The following ARHGEF10 variants were observed in gnomAD, a reference collection of about 807,000 sequenced individuals.
ARHGEF10 encodes Rho guanine nucleotide exchange factor 10, also known as Rho guanine nucleotide exchange factor (GEF) 10.
ARHGEF10 carries 140 observed loss-of-function variants against 147.4 expected under a neutral mutation model. The ratio of observed to expected loss-of-function variants is 0.95; its 90% CI spans 0.83 to 1.09. The LOEUF (loss-of-function observed/expected upper bound fraction) is 1.09. Ranked by LOEUF, ARHGEF10 falls within the 50% of genes least tolerant of loss-of-function variation. ARHGEF10 has a pLI of 0.00. For synonymous variants in ARHGEF10, 902 were observed against 695.8 expected, an observed-to-expected ratio of 1.30 and a Z score of -4.67; for missense variants, 2,222 against 1,752.7, an observed-to-expected ratio of 1.27 and a Z score of -4.78.
In ARHGEF10 at chr8:1,885,640, T is replaced by C. The variant is rs1808593384; in HGVS notation, c.1115T>C (p.Ile372Thr). The C allele has an allele frequency of 6.2e-7, 1 of 1,613,926 alleles. No individual in the cohort carries two copies. Among genetic ancestry groups the C allele is most frequent in the Non-Finnish European group, 8.5e-7 (1 of 1,180,012 alleles). ...CTTGAGGAAGAACAGAATTTGTTCA[T>C]TGATGTTGACTGCAAGCACCCGGAA... Reference protein sequence around the residue: ...SSLEEEQNLFIDVDCKHPEAI... With the variant: ...SSLEEEQNLFTDVDCKHPEAI... Residue 372 changes from isoleucine to threonine, a missense_variant, in exon 11 of 29, where the codon ATT becomes ACT. Coordinates refer to ENST00000349830, the MANE Select transcript of ARHGEF10 (RefSeq NM_014629.4).
At chr8:1,843,595 C>T (rs1310060624) in intron 2 of ARHGEF10, among the ~76,000 whole-genome samples, 159 bp downstream of exon 2, 1 of 152,170 alleles carries the variant, frequency 6.6e-6, no homozygotes. Flanking sequence ...AGCCTGGGTG[C>T]CCCCATCCTT....
At chr8:1,947,547 C>T (rs945869103) in intron 27 of ARHGEF10, among the ~76,000 whole-genome samples, 1 of 152,138 alleles carries the variant, frequency 6.6e-6, no homozygotes, top group Non-Finnish European at 1.5e-5. Flanking sequence ...TAAAACCCAA[C>T]AGCACTCACG....
rs1000745046 is a variant in ARHGEF10 at position 1,936,047 on chromosome 8, A to G, written c.3222+2105A>G. Among the ~76,000 whole-genome samples, 12 of 152,144 alleles carry G rather than the reference A, an allele frequency of 7.9e-5. 1 individual carries two copies. Among genetic ancestry groups the G allele is most frequent in the African/African-American group, 2.7e-4 (11 of 41,422 alleles). ...TGAAATGATGAGGAAAAGGCTACATACTTCCCCTCACACCTGCATTTTTCA... is the reference window on the plus strand; with the variant it reads ...TGAAATGATGAGGAAAAGGCTACATGCTTCCCCTCACACCTGCATTTTTCA... On this transcript the variant is annotated intron_variant, in intron 26 of 28. Coordinates refer to ENST00000349830, the MANE Select transcript of ARHGEF10 (RefSeq NM_014629.4).
At chr8:1,870,591 C>T (rs1446663299) in intron 7 of ARHGEF10, 1 of 151,974 alleles carries the variant, frequency 6.6e-6, no homozygotes, top group South Asian at 2.1e-4. Context: ...AAATTCTAAC[C>T]AAAGTATTGT....
intron 11 of ARHGEF10, among the ~76,000 whole-genome samples, chr8:1,889,458 AGGGGTCTGTG>A (rs1809200732): frequency 3.4e-5 from 1 of 29,166 alleles, no homozygotes; most frequent in African/African-American, 2.0e-4. Context: ...GAGTGGGGTG[AGGGGTCTGTG>A]AGGAGACACT....
chr8:1,837,479 G>A (rs1407963816), intron 1 of ARHGEF10, among the ~76,000 whole-genome samples: 2 of 152,130 alleles, frequency 1.3e-5, no homozygotes, highest in African/African-American at 4.8e-5. Flanking sequence ...ATGCATTTTT[G>A]TAGAGAAACA....
intron 13 of ARHGEF10, among the ~76,000 whole-genome samples, chr8:1,895,855 G>A (rs965609812): frequency 6.6e-6 from 1 of 152,124 alleles, no homozygotes; most frequent in African/African-American, 2.4e-5. Flanking sequence ...AAACGAACAC[G>A]TGTAGGGCAT....
intron 11 of ARHGEF10, among the ~76,000 whole-genome samples, chr8:1,887,886 G>T (rs1281740135): frequency 6.7e-6 from 1 of 149,996 alleles, no homozygotes; most frequent in Admixed American, 6.6e-5. Context: ...ACCAAGTGCC[G>T]TGAGAGTTGC....
intron 1 of ARHGEF10, chr8:1,826,038 C>G: frequency 2.2e-6 from 3 of 1,388,832 alleles, no homozygotes; most frequent in Non-Finnish European, 2.0e-6. Context: ...CCCTGTCTGT[C>G]TCTCACAGCA....
chr8:1,920,036 G>GTGATGGGGCTGTTC (rs1563286396), intron 18 of ARHGEF10, among the ~76,000 whole-genome samples: 9 of 148,136 alleles, frequency 6.1e-5, no homozygotes, highest in Non-Finnish European at 1.2e-4. Flanking sequence ...TGTTCTATGG[G>GTGATGGGGCTGTTC]TGATGGAGCT....
intron 27 of ARHGEF10, among the ~76,000 whole-genome samples, chr8:1,947,167 A>G (rs1262472806): frequency 6.6e-6 from 1 of 152,184 alleles, no homozygotes; most frequent in African/African-American, 2.4e-5. Flanking sequence ...TTGCCAAAGC[A>G]CGCTCTCACG....
intron 9 of ARHGEF10, among the ~76,000 whole-genome samples, chr8:1,881,780 G>C (rs1248232046): frequency 6.6e-6 from 1 of 152,206 alleles, no homozygotes; most frequent in East Asian, 1.9e-4. Context: ...ACGCGGTGGT[G>C]TGACCCAGAT....
Position 1,880,040 on chromosome 8 carries a change from T to C in ARHGEF10, c.844-8T>C, listed in dbSNP as rs534293969. 1.9e-6 allele frequency: 3 copies of C among 1,584,756 alleles called. No homozygotes were observed. In the South Asian group the frequency reaches 3.3e-5, roughly 18 times the overall value. On this transcript the variant is annotated splice_polypyrimidine_tract_variant and splice_region_variant and intron_variant, in intron 8 of 28. Transcript: ENST00000349830. ...TTTGTGAAAAGACTGTGTCTCTTTA[T>C]GCTGTAGCTTTCTCATGACCTAACC... is the stretch of plus-strand genomic sequence containing the variant.
At chr8:1,826,848 G>T (rs142803588) in intron 1 of ARHGEF10, among the ~76,000 whole-genome samples, 1 of 152,362 alleles carries the variant, frequency 6.6e-6, no homozygotes, top group East Asian at 1.9e-4. Flanking sequence ...TGCCTGGGTA[G>T]AAAGGTAAGT....
chr8:1,840,713 G>A (rs559974043), intron 1 of ARHGEF10, among the ~76,000 whole-genome samples: 3 of 152,258 alleles, frequency 2.0e-5, no homozygotes, highest in South Asian at 2.1e-4. Context: ...TCCCATGAGC[G>A]TCATTCCCTA....
At chr8:1,909,549 A>C (rs1453383316) in intron 18 of ARHGEF10, 79 bp downstream of exon 18, 2 of 1,569,878 alleles carry the variant, frequency 1.3e-6, no homozygotes, top group African/African-American at 2.7e-5. Flanking sequence ...GGGCCAGCGT[A>C]AGCTCCACCA....
chr8:1,921,709 T>G lies in ARHGEF10; in HGVS notation c.2144-1255T>G, dbSNP rs1812302067. Reference sequence around the variant, plus strand: ...GAGATCGTGCCATCGCACTGCAGCCTGGGGGACAAGAGCGACACTTCGTCT... The same window carrying G: ...GAGATCGTGCCATCGCACTGCAGCCGGGGGGACAAGAGCGACACTTCGTCT... On this transcript the variant is annotated intron_variant, in intron 18 of 28. Transcript: ENST00000349830. Among the ~76,000 whole-genome samples, 4 of 150,636 alleles carry G rather than the reference T, an allele frequency of 2.7e-5. No individual in the cohort carries two copies. The Admixed American group carries it at 2.7e-4, about 10-fold the overall frequency.
chr8:1,859,434 G>T (rs546256420), intron 3 of ARHGEF10, among the ~76,000 whole-genome samples: 1 of 147,336 alleles, frequency 6.8e-6, no homozygotes, highest in East Asian at 2.1e-4. Flanking sequence ...CGCAGCACCC[G>T]CCTCTCTGCT....
chr8:1,878,555 A>G (rs1000973887), intron 8 of ARHGEF10, among the ~76,000 whole-genome samples: 9 of 152,182 alleles, frequency 5.9e-5, no homozygotes, highest in African/African-American at 2.2e-4. Context: ...CAGACACTTG[A>G]TTTAAACTGA....
Sources: allele counts gnomAD v4.1 joint callset (sites outside exome capture counted in the v4.1 genomes callset), GRCh38; gene constraint gnomAD v4.1.1; transcripts MANE v1.5; gene names NCBI Gene and HGNC (gene_info 2026-07-23, HGNC 2026-07-21).